Variants in CDKAL1 observed in about 807,000 individuals in gnomAD.
CDKAL1 encodes the protein CDKAL1 threonylcarbamoyladenosine tRNA methylthiotransferase, also known as threonylcarbamoyladenosine tRNA methylthiotransferase.
Under a neutral mutation model 68.2 loss-of-function variants are expected in CDKAL1, and 32 were observed. The observed-to-expected ratio is 0.47, with a 90% CI of 0.35 to 0.63. The LOEUF (loss-of-function observed/expected upper bound fraction) is 0.63, where lower values mean the gene tolerates loss of function less well. Ranked by LOEUF, CDKAL1 falls within the 30% of genes least tolerant of loss-of-function variation. CDKAL1 has a pLI of 0.00. For missense variants in CDKAL1, 606 were observed against 696.7 expected, an observed-to-expected ratio of 0.87 and a Z score of 1.47; for synonymous variants, 234 against 244.3, an observed-to-expected ratio of 0.96 and a Z score of 0.39.
chr6:20,787,657 A>G (rs182758341), intron 8 of CDKAL1, among the ~76,000 whole-genome samples: 6 of 152,348 alleles, frequency 3.9e-5, no homozygotes, highest in Admixed American at 3.3e-4. Context: ...TCAGGCAACC[A>G]GAATTCCTTA....
At chr6:20,820,882 A>ACTG (rs1777248619) in intron 8 of CDKAL1, among the ~76,000 whole-genome samples, 3 of 152,074 alleles carry the variant, frequency 2.0e-5, no homozygotes, top group African/African-American at 4.8e-5. Context: ...AGCAGACTAG[A>ACTG]TTAAAATGTC....
At chr6:20,590,496 A>C (rs903551068) in intron 4 of CDKAL1, among the ~76,000 whole-genome samples, 2 of 152,010 alleles carry the variant, frequency 1.3e-5, no homozygotes, top group Non-Finnish European at 2.9e-5. Context: ...TCCTAATGCT[A>C]TCCCTCTCCT....
intron 7 of CDKAL1, among the ~76,000 whole-genome samples, chr6:20,769,006 A>G (rs1025330787): frequency 2.6e-5 from 4 of 152,032 alleles, no homozygotes; most frequent in Non-Finnish European, 2.9e-5. Context: ...CCTGTTCTAG[A>G]CAGGTAAGGA....
intron 13 of CDKAL1, among the ~76,000 whole-genome samples, chr6:21,135,010 C>T (rs1278968431): frequency 6.6e-6 from 1 of 152,054 alleles, no homozygotes; most frequent in Non-Finnish European, 1.5e-5. Flanking sequence ...ACAAACCAAA[C>T]TATAAAGCAG....
chr6:21,034,346 G>T (rs925021877), intron 11 of CDKAL1, among the ~76,000 whole-genome samples: 5 of 152,112 alleles, frequency 3.3e-5, no homozygotes, highest in Admixed American at 6.5e-5. Flanking sequence ...CCACTTGTTG[G>T]ATCTGTAACT....
chr6:20,795,902 A>G (rs1294743013), intron 8 of CDKAL1, among the ~76,000 whole-genome samples: 1 of 152,206 alleles, frequency 6.6e-6, no homozygotes, highest in Non-Finnish European at 1.5e-5. Context: ...GATTGGAACT[A>G]GTAGATGCAA....
intron 4 of CDKAL1, among the ~76,000 whole-genome samples, chr6:20,575,589 AG>A (rs1764878054): frequency 6.6e-6 from 1 of 152,110 alleles, no homozygotes; most frequent in Non-Finnish European, 1.5e-5. Flanking sequence ...CAGAAACCAC[AG>A]GTCCAAGTTA....
chr6:21,181,016 A>T (rs1777767538), intron 13 of CDKAL1, among the ~76,000 whole-genome samples: 1 of 152,226 alleles, frequency 6.6e-6, no homozygotes, highest in African/African-American at 2.4e-5. Flanking sequence ...TACTGCTGGC[A>T]GAGAGATCAT....
intron 15 of CDKAL1, among the ~76,000 whole-genome samples, chr6:21,215,085 C>T (rs1434387091): frequency 6.6e-6 from 1 of 152,184 alleles, no homozygotes; most frequent in African/African-American, 2.4e-5. Context: ...ATCTGCAGTG[C>T]ACTGTAGGGT....
chr6:20,797,154 T>C (rs1776141417), intron 8 of CDKAL1, among the ~76,000 whole-genome samples: 1 of 152,134 alleles, frequency 6.6e-6, no homozygotes, highest in African/African-American at 2.4e-5. Context: ...ATCCAGAATA[T>C]ATAAGGAACT....
chr6:20,782,245 T>C (rs780401018), intron 8 of CDKAL1, among the ~76,000 whole-genome samples: 4 of 152,266 alleles, frequency 2.6e-5, no homozygotes, highest in Admixed American at 2.0e-4. Context: ...AGTCATTCGG[T>C]TTTTCCCAAA....
chr6:20,725,645 G>T (rs1464199093), intron 5 of CDKAL1, among the ~76,000 whole-genome samples: 1 of 151,922 alleles, frequency 6.6e-6, no homozygotes, highest in South Asian at 2.1e-4. Context: ...TTAGCCGGGC[G>T]TGGTGGCACA....
chr6:21,155,224 AT>A (rs1364389382), intron 13 of CDKAL1, among the ~76,000 whole-genome samples: 2 of 150,924 alleles, frequency 1.3e-5, no homozygotes, highest in East Asian at 3.9e-4. Flanking sequence ...TTTAGAACAT[AT>A]TTTTCCCTAA....
intron 11 of CDKAL1, among the ~76,000 whole-genome samples, chr6:21,020,984 A>G (rs1397834529): frequency 6.6e-6 from 1 of 151,880 alleles, no homozygotes; most frequent in Non-Finnish European, 1.5e-5. Flanking sequence ...TATCTTATGA[A>G]CCCAGCCACT....
chr6:20,756,838 T>TCCTTTCTTCCTTCCTTC (rs1561749825), intron 6 of CDKAL1: 1 of 137,390 alleles, frequency 7.3e-6, no homozygotes, highest in African/African-American at 2.9e-5. Flanking sequence ...CTTCCTTCCT[T>TCCTTTCTTCCTTCCTTC]TCTTCCTTCC....
intron 8 of CDKAL1, among the ~76,000 whole-genome samples, chr6:20,839,097 A>G (rs1778074199): frequency 6.6e-6 from 1 of 150,660 alleles, no homozygotes; most frequent in South Asian, 2.1e-4. Flanking sequence ...AAAAGAGGCC[A>G]TTTTCTTGCT....
intron 11 of CDKAL1, among the ~76,000 whole-genome samples, chr6:21,032,666 ATACT>A (rs1769361480): frequency 6.6e-6 from 1 of 151,960 alleles, no homozygotes; most frequent in African/African-American, 2.4e-5. Flanking sequence ...AGATACACAG[ATACT>A]TACCATTGCA....
intron 4 of CDKAL1, among the ~76,000 whole-genome samples, chr6:20,644,453 G>A (rs749250076): frequency 1.7e-4 from 26 of 152,084 alleles, no homozygotes; most frequent in Non-Finnish European, 2.9e-4. Context: ...TGAGGTGGGC[G>A]GATCACGAGA....
intron 11 of CDKAL1, among the ~76,000 whole-genome samples, chr6:21,048,194 G>A (rs1455090499): frequency 1.3e-5 from 2 of 152,164 alleles, no homozygotes; most frequent in Admixed American, 6.6e-5. Flanking sequence ...TGCTTTTGTA[G>A]TGAAAGCAGC....
Sources: allele counts gnomAD v4.1 joint callset (sites outside exome capture counted in the v4.1 genomes callset), GRCh38; gene constraint gnomAD v4.1.1; transcripts MANE v1.5; gene names NCBI Gene and HGNC (gene_info 2026-07-23, HGNC 2026-07-21).